The following CCDC178 variants were observed in gnomAD, a reference collection of about 807,000 sequenced individuals.
CCDC178 encodes the protein coiled-coil domain-containing protein 178.
In CCDC178, 126 loss-of-function variants were observed where a neutral mutation model predicts 117.4. That is an observed-to-expected ratio of 1.07 (90% CI 0.93 to 1.24). The LOEUF is 1.24. Ranked by LOEUF, CCDC178 falls within the 50% of genes most tolerant of loss-of-function variation. The pLI is 0.00. For synonymous variants in CCDC178, 283 were observed against 313.4 expected (o/e 0.90, Z 1.02); for missense variants, 1,030 against 986.9 (o/e 1.04, Z -0.59).
chr18:33,194,505 C>G (rs1347210931), intron 20 of CCDC178, among the ~76,000 whole-genome samples: 1 of 152,156 alleles, frequency 6.6e-6, no homozygotes, highest in Non-Finnish European at 1.5e-5. Flanking sequence ...CTAGTGACTT[C>G]ACATTCACCA....
At chr18:33,294,377 C>T (rs1337538531) in intron 11 of CCDC178, among the ~76,000 whole-genome samples, 1 of 151,992 alleles carries the variant, frequency 6.6e-6, no homozygotes. Flanking sequence ...ATTTGAAACC[C>T]ACATAAGAGT....
At chr18:33,113,003 T>A (rs911309100) in intron 20 of CCDC178, among the ~76,000 whole-genome samples, 2 of 152,006 alleles carry the variant, frequency 1.3e-5, no homozygotes, top group African/African-American at 4.8e-5. Flanking sequence ...AAATTTGTTT[T>A]TACATAAATA....
intron 20 of CCDC178, among the ~76,000 whole-genome samples, chr18:33,129,293 C>A (rs1191137105): frequency 6.6e-6 from 1 of 152,122 alleles, no homozygotes; most frequent in Admixed American, 6.5e-5. Flanking sequence ...TGCTATAAAG[C>A]AACACATGCT....
intron 21 of CCDC178, among the ~76,000 whole-genome samples, chr18:33,049,657 A>G (rs1051515295): frequency 1.3e-5 from 2 of 152,178 alleles, no homozygotes; most frequent in Admixed American, 1.3e-4. Flanking sequence ...CTGTTGAAAG[A>G]CAAGCTTATT....
intron 14 of CCDC178, among the ~76,000 whole-genome samples, chr18:33,246,010 A>T (rs1215405699): frequency 6.6e-6 from 1 of 151,878 alleles, no homozygotes. Context: ...GTACAAAATT[A>T]TCCCTGTTGA....
At chr18:33,036,822 G>A (rs2056454069) in intron 21 of CCDC178, among the ~76,000 whole-genome samples, 1 of 151,866 alleles carries the variant, frequency 6.6e-6, no homozygotes, top group Non-Finnish European at 1.5e-5. Context: ...GACAAGACAC[G>A]GGGAGACAGA....
chr18:33,044,817 C>T (rs538249173), intron 21 of CCDC178, among the ~76,000 whole-genome samples: 3 of 152,238 alleles, frequency 2.0e-5, no homozygotes, highest in African/African-American at 7.2e-5. Context: ...CAGTGGAATA[C>T]TACTGATGGA....
Position 33,333,338 on chromosome 18 carries a change from C to G in CCDC178, c.715G>C (p.Ala239Pro), listed in dbSNP as rs2062696976. Residue 239 changes from alanine to proline, a missense_variant, in exon 10 of 23, where the codon GCT (alanine) becomes CCT (proline). Transcript: ENST00000383096. Reference protein sequence around the residue: ...IELQWHLEDKANQLQHFEKQK... With the variant: ...IELQWHLEDKPNQLQHFEKQK... ...TTTTCAAAATGTTGTAGTTGATTAGCTTTATCTTCAAGATGCCATTGTAAT... is the reference window on the plus strand; with the variant it reads ...TTTTCAAAATGTTGTAGTTGATTAGGTTTATCTTCAAGATGCCATTGTAAT... 1.9e-6 allele frequency: 3 copies of G among 1,612,196 alleles called. No homozygotes were observed. Among genetic ancestry groups the G allele is most frequent in the Non-Finnish European group, 2.5e-6 (3 of 1,179,184 alleles).
intron 21 of CCDC178, among the ~76,000 whole-genome samples, chr18:32,992,056 T>C (rs942416601): frequency 2.6e-5 from 4 of 152,220 alleles, no homozygotes; most frequent in Non-Finnish European, 4.4e-5. Context: ...AACTTGGTCA[T>C]AGTCCTTGGA....
At position 33,345,312 on chromosome 18, in the gene CCDC178, G is replaced by GAACA. The variant is rs965859820; in HGVS notation, c.658+895_658+898dup. Among the ~76,000 whole-genome samples the GAACA allele has an allele frequency of 5.3e-5, 8 of 152,014 alleles. No homozygotes were observed. In the South Asian group the frequency reaches 1.2e-3, roughly 24 times the overall value. On this transcript the variant is annotated intron_variant, in intron 9 of 22. Coordinates refer to ENST00000383096, the MANE Select transcript of CCDC178 (RefSeq NM_001105528.4). ...TGTTTTCATAGGTACAGGGTTTGTA[G>GAACA]AACAAACAAACAAACAAACAAAATC... is the stretch of plus-strand genomic sequence containing the variant.
intron 16 of CCDC178, 105 bp downstream of exon 16, chr18:33,226,688 T>G: frequency 1.5e-6 from 1 of 683,260 alleles, no homozygotes; most frequent in Non-Finnish European, 2.4e-6. Context: ...ACTGCTGGCT[T>G]GCAAACCAAG....
In CCDC178 at chr18:33,371,287, A is replaced by G. The variant is rs1017124806; in HGVS notation, c.209-1098T>C. On this transcript the variant is annotated intron_variant, in intron 5 of 22. Coordinates refer to ENST00000383096, the MANE Select transcript of CCDC178 (RefSeq NM_001105528.4). Reference sequence around the variant, plus strand: ...CTCTCTCATATATGTGTGTGTGTGTATATATGTGTATATATATATAAATGA... The same window carrying G: ...CTCTCTCATATATGTGTGTGTGTGTGTATATGTGTATATATATATAAATGA... 5.3e-5 allele frequency among the ~76,000 whole-genome samples: 8 copies of G among 151,544 alleles called. No individual in the cohort carries two copies. The East Asian group carries it at 9.7e-4, about 18-fold the overall frequency.
chr18:33,307,290 G>A (rs954467948), intron 11 of CCDC178, among the ~76,000 whole-genome samples: 2 of 152,168 alleles, frequency 1.3e-5, no homozygotes, highest in Non-Finnish European at 2.9e-5. Flanking sequence ...TAGTGATATG[G>A]ACAATGAAGT....
chr18:32,970,882 G>A (rs1026459673), intron 22 of CCDC178, among the ~76,000 whole-genome samples: 5 of 151,990 alleles, frequency 3.3e-5, no homozygotes, highest in African/African-American at 1.2e-4. Context: ...TATATACAGG[G>A]TACAAGTAAG....
intron 20 of CCDC178, among the ~76,000 whole-genome samples, chr18:33,109,865 G>T (rs2057758069): frequency 6.6e-6 from 1 of 151,360 alleles, no homozygotes; most frequent in Non-Finnish European, 1.5e-5. Flanking sequence ...TATGCACTCT[G>T]CTGTCCATAA....
intron 2 of CCDC178, among the ~76,000 whole-genome samples, chr18:33,424,825 G>A (rs1251855805): frequency 6.6e-6 from 1 of 152,216 alleles, no homozygotes; most frequent in Non-Finnish European, 1.5e-5. Context: ...CTGCTGATGA[G>A]AGAGCTGCTG....
At chr18:33,374,531 T>C (rs921891481) in intron 5 of CCDC178, among the ~76,000 whole-genome samples, 1 of 152,220 alleles carries the variant, frequency 6.6e-6, no homozygotes, top group African/African-American at 2.4e-5. Flanking sequence ...TATACATTGC[T>C]AGTGGAAATG....
chr18:33,346,228 G>C lies in CCDC178; in HGVS notation c.641C>G (p.Pro214Arg), dbSNP rs763353816. 1.2e-6 allele frequency: 2 copies of C among 1,612,100 alleles called. No individual in the cohort carries two copies. The highest frequency in any genetic ancestry group is 1.7e-6 in the Non-Finnish European group (2 of 1,178,410). The change falls in exon 9 of 23, where the codon CCA (proline) becomes CGA (arginine). Residue 214 changes from proline (P) to arginine (R), a missense_variant. By Grantham distance (103) the Pro-to-Arg change is moderately radical (BLOSUM62 -2). Coordinates refer to ENST00000383096, the MANE Select transcript of CCDC178 (RefSeq NM_001105528.4). ...ATTATTACCTTTCTGCACAGCCAAT[G>C]GGAGTTCTTGAAGTTTCCAGACTGA... ...SWSVWKLQEL[P>R]LAVQKEHEAY...
intron 5 of CCDC178, among the ~76,000 whole-genome samples, chr18:33,382,288 C>T (rs571090573): frequency 2.0e-5 from 3 of 152,128 alleles, no homozygotes; most frequent in Non-Finnish European, 4.4e-5. Context: ...CACCACTTTC[C>T]ACATTGAGTG....
Sources: gnomAD v4.1 joint callset for allele counts (sites outside exome capture counted in the v4.1 genomes callset) on GRCh38, gnomAD v4.1.1 for gene constraint, MANE v1.5 for transcripts, NCBI Gene and HGNC (gene_info 2026-07-23, HGNC 2026-07-21) for gene names.